The following LAMP3 variants were observed in gnomAD, a reference collection of about 807,000 sequenced individuals.
LAMP3 encodes lysosome-associated membrane glycoprotein 3.
Under a neutral mutation model 34.8 loss-of-function variants are expected in LAMP3, and 26 were observed. That is an observed-to-expected ratio of 0.75 (90% CI 0.55 to 1.04). LAMP3 has a LOEUF of 1.04. Among genes scored for constraint, LAMP3 ranks in the 50% least tolerant of loss-of-function variants. LAMP3 has a pLI of 0.00. For synonymous variants in LAMP3, 180 were observed against 201.9 expected, an observed-to-expected ratio of 0.89 and a Z score of 0.92; for missense variants, 495 against 524.0, an observed-to-expected ratio of 0.94 and a Z score of 0.54.
intron 3 of LAMP3, among the ~76,000 whole-genome samples, chr3:183,141,315 A>G (rs922625158): frequency 1.3e-5 from 2 of 152,180 alleles, no homozygotes; most frequent in Non-Finnish European, 2.9e-5. Flanking sequence ...CCCACATTTC[A>G]TCTAGGAATT....
intron 5 of LAMP3, among the ~76,000 whole-genome samples, chr3:183,125,224 TCATTATAGCTAAAAAGA>T (rs1719755182): frequency 6.6e-6 from 1 of 152,192 alleles, no homozygotes; most frequent in Admixed American, 6.5e-5. Flanking sequence ...CATGTCTTAG[TCATTATAGCTAAAAAGA>T]TACATGTGTG....
chr3:183,144,993 C>T (rs1478770801), intron 3 of LAMP3, among the ~76,000 whole-genome samples: 1 of 152,178 alleles, frequency 6.6e-6, no homozygotes, highest in Admixed American at 6.5e-5. Flanking sequence ...GCCTGACCCT[C>T]GCACCTCTCC....
chr3:183,162,507 C>T (rs1721006781), intron 1 of LAMP3, 100 bp downstream of exon 1: 4 of 1,226,654 alleles, frequency 3.3e-6, no homozygotes, highest in South Asian at 2.6e-5. Flanking sequence ...CACCTCCCTA[C>T]CCGCAGCCCG....
At chr3:183,159,425 C>A (rs559626434) in intron 1 of LAMP3, among the ~76,000 whole-genome samples, 66 of 152,290 alleles carry the variant, frequency 4.3e-4, no homozygotes, top group African/African-American at 1.5e-3. Flanking sequence ...GGAGGGGAGA[C>A]CAGCAGGGAG....
At position 183,147,615 on chromosome 3, in the gene LAMP3, A is replaced by AT. The variant is rs56320018; in HGVS notation, c.888+4759dup. 2.3e-3 allele frequency among the ~76,000 whole-genome samples: 341 copies of AT among 150,394 alleles called. 1 individual carries two copies. The highest frequency in any genetic ancestry group is 5.9e-3 in the African/African-American group (244 of 41,070). On this transcript the variant is annotated intron_variant, in intron 3 of 5. Coordinates refer to ENST00000265598, the MANE Select transcript of LAMP3 (RefSeq NM_014398.4). ...AGGACTGCTTGTTTCAATGAAAACA[A>AT]TTTTTTTTTTTTTACTAGCTTGCTT...
intron 1 of LAMP3, among the ~76,000 whole-genome samples, chr3:183,158,368 GA>G (rs1237342539): frequency 6.6e-6 from 1 of 152,142 alleles, no homozygotes; most frequent in Non-Finnish European, 1.5e-5. Context: ...CTGAGGCCTA[GA>G]AAGAGGGCAG....
At chr3:183,140,694 GATATA>G (rs1720257303) in intron 3 of LAMP3, 99 bp from the exon 4 acceptor site, 1 of 797,838 alleles carries the variant, frequency 1.3e-6, no homozygotes, top group Non-Finnish European at 2.2e-6. Context: ...ATTAAATCTG[GATATA>G]AGGGCTGGGG....
chr3:183,153,632 C>T lies in LAMP3; in HGVS notation c.759+50G>A, dbSNP rs528485291. On this transcript the variant is annotated intron_variant, in intron 2 of 5. Transcript: ENST00000265598. ...ATGCTCATTCCTAGCAAGGCAACCT[C>T]CACTCAGACTTTTTGAAGATAGTGT... 13 of 1,323,792 alleles carry T rather than the reference C, an allele frequency of 9.8e-6. No homozygotes were observed. The East Asian group carries it at 1.6e-4, about 17-fold the overall frequency. The allele number at this position is 1,323,792 out of a possible 1,614,324, so 82.0% of individuals were successfully genotyped here.
chr3:183,125,507 C>T (rs1013241088), intron 5 of LAMP3, among the ~76,000 whole-genome samples: 2 of 152,170 alleles, frequency 1.3e-5, no homozygotes, highest in African/African-American at 4.8e-5. Flanking sequence ...TACTGATTTA[C>T]CCAAAAATAG....
intron 5 of LAMP3, among the ~76,000 whole-genome samples, chr3:183,125,735 T>C (rs1229609772): frequency 6.6e-6 from 1 of 152,192 alleles, no homozygotes; most frequent in Non-Finnish European, 1.5e-5. Flanking sequence ...CATGAAACTT[T>C]GTTACTTATA....
rs369571047 is a variant in LAMP3 at position 183,135,832 on chromosome 3, C to A, written c.1002G>T (p.Gly334=). Residue 334 remains glycine (G), a synonymous_variant, in exon 5 of 6, where the codon GGG becomes GGT. Coordinates refer to ENST00000265598, the MANE Select transcript of LAMP3 (RefSeq NM_014398.4). ...HAVVMFQTAV[G]HSFKCVSEQS... ...GTTCACTCACGCACTTGAAGGAATGCCCGACTGCTGTCTGGAACATCACCA... is the reference window on the plus strand; with the variant it reads ...GTTCACTCACGCACTTGAAGGAATGACCGACTGCTGTCTGGAACATCACCA... 6.2e-7 allele frequency: 1 copy of A among 1,613,798 alleles called. No homozygotes were observed. The highest frequency in any genetic ancestry group is 1.7e-5 in the Admixed American group (1 of 60,006).
At chr3:183,152,285 T>G (rs1720659368) in intron 3 of LAMP3, 90 bp downstream of exon 3, 1 of 1,359,702 alleles carries the variant, frequency 7.4e-7, no homozygotes, top group Non-Finnish European at 1.0e-6. Context: ...GATCTCAAAC[T>G]GAAGTGTGGG....
chr3:183,128,105 G>A (rs947394396), intron 5 of LAMP3, among the ~76,000 whole-genome samples: 84 of 146,758 alleles, frequency 5.7e-4, no homozygotes, highest in Admixed American at 6.2e-4. Flanking sequence ...CCGAGATCAC[G>A]CCACTGCACT....
intron 3 of LAMP3, among the ~76,000 whole-genome samples, chr3:183,147,550 C>T (rs1481870427): frequency 6.6e-6 from 1 of 152,002 alleles, no homozygotes; most frequent in African/African-American, 2.4e-5. Flanking sequence ...TTGATGAAGA[C>T]ATATTTTGAT....
At position 183,130,272 on chromosome 3, in the gene LAMP3, C is replaced by T. The variant is rs1719877705; in HGVS notation, c.1117+5445G>A. On this transcript the variant is annotated intron_variant, in intron 5 of 5. Coordinates refer to ENST00000265598, the MANE Select transcript of LAMP3 (RefSeq NM_014398.4). Reference sequence around the variant, plus strand: ...CTCCCGGGTTGACGCCATTCTCCTGCCTCAGCCTCCCGAGTAGCTGGGACT... The same window carrying T: ...CTCCCGGGTTGACGCCATTCTCCTGTCTCAGCCTCCCGAGTAGCTGGGACT... Among the ~76,000 whole-genome samples, 3 of 151,400 alleles carry T rather than the reference C, an allele frequency of 2.0e-5. No homozygotes were observed. The South Asian group carries it at 6.3e-4, about 32-fold the overall frequency.
At chr3:183,147,222 A>C (rs1429860227) in intron 3 of LAMP3, among the ~76,000 whole-genome samples, 1 of 148,668 alleles carries the variant, frequency 6.7e-6, no homozygotes, top group Non-Finnish European at 1.5e-5. Flanking sequence ...CAGCCTGGGC[A>C]ACAGAGTGAG....
At chr3:183,140,630 C>T (rs1280895080) in intron 3 of LAMP3, 35 bp from the exon 4 acceptor site, 7 of 1,290,710 alleles carry the variant, frequency 5.4e-6, no homozygotes, top group South Asian at 3.6e-5. Flanking sequence ...TTTGGGTTAT[C>T]TCTACTCATA....
chr3:183,132,716 T>C (rs1311464047), intron 5 of LAMP3: 1 of 985,208 alleles, frequency 1.0e-6, no homozygotes, highest in Non-Finnish European at 1.2e-6. Context: ...CTCAGGAGGG[T>C]GCAACAGGCA....
chr3:183,146,907 C>A (rs1334280007), intron 3 of LAMP3, among the ~76,000 whole-genome samples: 2 of 151,630 alleles, frequency 1.3e-5, no homozygotes, highest in East Asian at 3.9e-4. Flanking sequence ...TTATCTGGAA[C>A]AATCAGAAGA....
Sources: allele counts gnomAD v4.1 joint callset (sites outside exome capture counted in the v4.1 genomes callset), GRCh38; gene constraint gnomAD v4.1.1; transcripts MANE v1.5; gene names NCBI Gene and HGNC (gene_info 2026-07-23, HGNC 2026-07-21).